The following GRIN2B variants were observed in gnomAD, a reference collection of about 807,000 sequenced individuals.
GRIN2B encodes glutamate receptor ionotropic, NMDA 2B.
In GRIN2B, 5 loss-of-function variants were observed where a neutral mutation model predicts 114.5. The observed-to-expected ratio is 0.04, with a 90% CI of 0.02 to 0.09. The LOEUF (loss-of-function observed/expected upper bound fraction) is 0.09. Among genes scored for constraint, GRIN2B ranks in the 10% least tolerant of loss-of-function variants. GRIN2B has a pLI of 1.00. For synonymous variants in GRIN2B, 787 were observed against 745.1 expected (o/e 1.06, Z -0.92); for missense variants, 1,108 against 1,943.5 (o/e 0.57, Z 8.08).
At chr12:13,586,693 G>T (rs910030495) in intron 10 of GRIN2B, among the ~76,000 whole-genome samples, 1 of 152,172 alleles carries the variant, frequency 6.6e-6, no homozygotes, top group Non-Finnish European at 1.5e-5. Flanking sequence ...ATACCTGCCC[G>T]ATTTAGATGG....
intron 3 of GRIN2B, among the ~76,000 whole-genome samples, chr12:13,847,349 C>CA (rs915827272): frequency 6.6e-6 from 1 of 152,088 alleles, no homozygotes; most frequent in Admixed American, 6.6e-5. Context: ...AAGAGCACTA[C>CA]AAGGTCCCAC....
At position 13,547,973 on chromosome 12, in the gene GRIN2B, A is replaced by T. The variant is rs1473857908; in HGVS notation, c.*14810T>A. ...TGTATGTGTGTGTATATATATATATATATATATATTTTTTTTTTTTTTCTG... is the reference window on the plus strand; with the variant it reads ...TGTATGTGTGTGTATATATATATATTTATATATATTTTTTTTTTTTTTCTG... On this transcript the variant is annotated 3_prime_UTR_variant, in exon 14 of 14. Transcript: ENST00000609686. 13 of 46,316 alleles carry T rather than the reference A, an allele frequency of 2.8e-4. No homozygotes were observed. The highest frequency in any genetic ancestry group is 2.2e-3 in the Admixed American group (8 of 3,638). The allele number at this position is 46,316 out of a possible 1,614,324, so 2.9% of individuals were successfully genotyped here. A position where few individuals can be genotyped will look rare whatever the true frequency, so the allele number is the denominator to read the frequency against.
chr12:13,940,964 C>G (rs913251615), intron 2 of GRIN2B, among the ~76,000 whole-genome samples: 2 of 152,108 alleles, frequency 1.3e-5, no homozygotes, highest in African/African-American at 4.8e-5. Flanking sequence ...CACATTAACC[C>G]TCTCTCCAAT....
intron 5 of GRIN2B, among the ~76,000 whole-genome samples, chr12:13,623,512 C>T (rs1483771652): frequency 6.6e-6 from 1 of 152,198 alleles, no homozygotes; most frequent in Non-Finnish European, 1.5e-5. Context: ...CAATATCTTC[C>T]TGCTCTAATT....
rs761130234 is a variant in GRIN2B, at chr12:13,937,096, A to AGG, written c.-19+42830_-19+42831dup. On this transcript the variant is annotated intron_variant, in intron 2 of 13. Coordinates refer to ENST00000609686, the MANE Select transcript of GRIN2B (RefSeq NM_000834.5). ...AACAGCACAGAAATAAAAAAAAAAA[A>AGG]GGGGGGGGGGAAGATTGAAGAAAAA... Among the ~76,000 whole-genome samples, 983 of 128,568 alleles carry AGG rather than the reference A, an allele frequency of 7.6e-3. 6 individuals carry two copies. Among genetic ancestry groups the AGG allele is most frequent in the Non-Finnish European group, 0.011 (702 of 62,358 alleles). The allele number at this position is 128,568 out of a possible 152,430, so 84.3% of individuals were successfully genotyped here.
chr12:13,633,188 T>C (rs762455626), intron 5 of GRIN2B, among the ~76,000 whole-genome samples: 8 of 152,178 alleles, frequency 5.3e-5, no homozygotes, highest in African/African-American at 1.2e-4. Flanking sequence ...TTCACTGATA[T>C]AGAATGAGGT....
rs527677179 is a variant in GRIN2B, at chr12:13,706,323, T to C, written c.1011-30464A>G. On this transcript the variant is annotated intron_variant, in intron 4 of 13. Transcript: ENST00000609686. Reference sequence around the variant, plus strand: ...AGACATAAGAAATGCCATTCTTCAATATGATCATATTCTAACTCTGTTAAG... The same window carrying C: ...AGACATAAGAAATGCCATTCTTCAACATGATCATATTCTAACTCTGTTAAG... Among the ~76,000 whole-genome samples, 3 of 152,294 alleles carry C rather than the reference T, an allele frequency of 2.0e-5. No homozygotes were observed. The East Asian group carries it at 5.8e-4, about 29-fold the overall frequency.
At chr12:13,580,188 C>A (rs1427495479) in intron 10 of GRIN2B, among the ~76,000 whole-genome samples, 3 of 152,218 alleles carry the variant, frequency 2.0e-5, no homozygotes, top group Non-Finnish European at 2.9e-5. Flanking sequence ...GGACAATAAT[C>A]AGAGTCAGAT....
intron 3 of GRIN2B, among the ~76,000 whole-genome samples, chr12:13,762,467 G>A (rs1023920802): frequency 6.6e-6 from 1 of 152,212 alleles, no homozygotes; most frequent in Non-Finnish European, 1.5e-5. Context: ...CGTACTAGCG[G>A]CATTTTTCAG....
At chr12:13,627,066 A>G (rs1029985956) in intron 5 of GRIN2B, among the ~76,000 whole-genome samples, 1 of 152,078 alleles carries the variant, frequency 6.6e-6, no homozygotes, top group African/African-American at 2.4e-5. Flanking sequence ...CATAAGCTAT[A>G]ATATGTAAAA....
intron 4 of GRIN2B, among the ~76,000 whole-genome samples, chr12:13,715,967 A>G (rs1407966044): frequency 6.6e-6 from 1 of 151,920 alleles, no homozygotes; most frequent in Non-Finnish European, 1.5e-5. Flanking sequence ...TACAACTCCC[A>G]TAATATCTAT....
chr12:13,820,522 T>G (rs75716771), intron 3 of GRIN2B, among the ~76,000 whole-genome samples: 5,065 of 152,298 alleles, frequency 0.033, 222 homozygotes, highest in African/African-American at 0.095. Context: ...CACGCATTGT[T>G]CACCCCTGTT....
chr12:13,897,626 A>G (rs1866374784), intron 2 of GRIN2B, among the ~76,000 whole-genome samples: 2 of 151,980 alleles, frequency 1.3e-5, no homozygotes, highest in Non-Finnish European at 2.9e-5. Context: ...CAGGACACTT[A>G]TCCCTCTGGG....
At chr12:13,778,211 T>C (rs1245930819) in intron 3 of GRIN2B, among the ~76,000 whole-genome samples, 1 of 152,240 alleles carries the variant, frequency 6.6e-6, no homozygotes, top group Non-Finnish European at 1.5e-5. Flanking sequence ...ATCTTATTCA[T>C]GTAATTCTCT....
intron 5 of GRIN2B, among the ~76,000 whole-genome samples, chr12:13,658,768 G>C (rs1425994748): frequency 6.6e-6 from 1 of 151,936 alleles, no homozygotes; most frequent in Non-Finnish European, 1.5e-5. Context: ...GTCTGTTTTT[G>C]ATGGGGTGGG....
chr12:13,860,230 C>T (rs1865730686), intron 3 of GRIN2B, among the ~76,000 whole-genome samples: 1 of 152,178 alleles, frequency 6.6e-6, no homozygotes, highest in Admixed American at 6.5e-5. Flanking sequence ...AGAGTAGGGC[C>T]ATCTTCCTAT....
At chr12:13,861,728 C>T (rs1490591443) in intron 3 of GRIN2B, among the ~76,000 whole-genome samples, 1 of 152,130 alleles carries the variant, frequency 6.6e-6, no homozygotes, top group Admixed American at 6.5e-5. Context: ...TCAGAGCCTT[C>T]CCCCAGATTT....
In GRIN2B at chr12:13,567,055, G is replaced by T. The variant is rs1332262298; in HGVS notation, c.2568C>A (p.Gly856=). 2 of 1,613,714 alleles carry T rather than the reference G, an allele frequency of 1.2e-6. No homozygotes were observed. Among genetic ancestry groups the T allele is most frequent in the South Asian group, 2.2e-5 (2 of 91,068 alleles). The change falls in exon 13 of 14, where the codon GGC becomes GGA. Residue 856 remains glycine (G), a synonymous_variant. Coordinates refer to ENST00000609686, the MANE Select transcript of GRIN2B (RefSeq NM_000834.5). ...FRHCFMGVCS[G]KPGMVFSISR... is the part of the protein sequence containing the mutation. ...TGATGGAGAAGACCATGCCAGGCTT[G>T]CCAGAACAGACACCCATAAAGCAAT...
At chr12:13,965,414 A>G (rs1867773504) in intron 2 of GRIN2B, among the ~76,000 whole-genome samples, 1 of 152,174 alleles carries the variant, frequency 6.6e-6, no homozygotes, top group African/African-American at 2.4e-5. Flanking sequence ...TGCACTGGCC[A>G]CTTCTTTGTT....
Sources: gnomAD v4.1 joint callset for allele counts (sites outside exome capture counted in the v4.1 genomes callset) on GRCh38, gnomAD v4.1.1 for gene constraint, MANE v1.5 for transcripts, NCBI Gene and HGNC (gene_info 2026-07-23, HGNC 2026-07-21) for gene names.